Variants in DACH2 observed in about 807,000 individuals in gnomAD.
DACH2 encodes dachshund family transcription factor 2.
Under a neutral mutation model 35.8 loss-of-function variants are expected in DACH2, and 17 were observed. The observed-to-expected ratio is 0.48, with a 90% confidence interval of 0.33 to 0.71. DACH2 has a LOEUF of 0.71. DACH2 is among the 30% of genes least tolerant of loss of function. The pLI is 0.02. For missense variants in DACH2, 469 were observed against 472.7 expected, an observed-to-expected ratio of 0.99 and a Z score of 0.07; for synonymous variants, 195 against 177.3, an observed-to-expected ratio of 1.10 and a Z score of -0.79.
At chrX:86,723,881 CT>C (rs371714160) in intron 6 of DACH2, among the ~76,000 whole-genome samples, 4,638 of 105,354 alleles carry the variant, frequency 0.044, 232 homozygotes, top group African/African-American at 0.15. Context: ...CTTGAGTTGT[CT>C]TTTTTTTTTA....
intron 1 of DACH2, among the ~76,000 whole-genome samples, chrX:86,287,941 G>T (rs759844718): frequency 1.1e-4 from 12 of 111,793 alleles, no homozygotes; most frequent in African/African-American, 3.9e-4. Context: ...GGGTCTTGAT[G>T]CTTGTATATA....
chrX:86,623,799 C>CA (rs1419747602), intron 3 of DACH2, among the ~76,000 whole-genome samples: 1 of 97,945 alleles, frequency 1.0e-5, no homozygotes, highest in African/African-American at 3.6e-5. Context: ...CCTGTAATCC[C>CA]AGCACTTTGG....
chrX:86,733,386 A>T (rs1020052339), intron 6 of DACH2, among the ~76,000 whole-genome samples: 1 of 111,965 alleles, frequency 8.9e-6, no homozygotes, highest in Admixed American at 9.5e-5. Flanking sequence ...CACATGGTAA[A>T]TTTTAGTTCT....
intron 4 of DACH2, among the ~76,000 whole-genome samples, chrX:86,663,565 G>A (rs757211385): frequency 2.3e-4 from 26 of 111,419 alleles, no homozygotes; most frequent in African/African-American, 8.1e-4. Context: ...CAACAGGAGA[G>A]AAAAAAGAAC....
intron 1 of DACH2, among the ~76,000 whole-genome samples, chrX:86,302,979 A>G (rs908243950): frequency 4.6e-5 from 5 of 107,561 alleles, no homozygotes; most frequent in African/African-American, 1.4e-4. Flanking sequence ...CCCAAAATGT[A>G]TGAAGAGGTA....
chrX:86,785,548 CT>C (rs1467787934), intron 7 of DACH2, among the ~76,000 whole-genome samples: 3 of 111,557 alleles, frequency 2.7e-5, no homozygotes, highest in African/African-American at 9.8e-5. Flanking sequence ...AGAATAGGAT[CT>C]TTGGACAGAT....
intron 7 of DACH2, among the ~76,000 whole-genome samples, chrX:86,791,062 T>C (rs1212465383): frequency 1.8e-5 from 2 of 111,554 alleles, no homozygotes; most frequent in Non-Finnish European, 3.8e-5. Context: ...TGAAAGTATA[T>C]AATCATAAAG....
intron 3 of DACH2, among the ~76,000 whole-genome samples, chrX:86,642,879 A>G (rs1292196518): frequency 8.9e-6 from 1 of 111,988 alleles, no homozygotes; most frequent in Non-Finnish European, 1.9e-5. Context: ...TGAAATTAAG[A>G]CAGAAATCAA....
intron 1 of DACH2, among the ~76,000 whole-genome samples, chrX:86,358,531 C>G (rs754235302): frequency 2.8e-5 from 3 of 108,571 alleles, no homozygotes; most frequent in East Asian, 5.9e-4. Flanking sequence ...AATGCCCCTA[C>G]AAGCCCTGCT....
chrX:86,228,939 C>T (rs1451719362), intron 1 of DACH2, among the ~76,000 whole-genome samples: 1 of 111,529 alleles, frequency 9.0e-6, no homozygotes, highest in East Asian at 2.8e-4. Context: ...GTTGACTGTT[C>T]CTTTTGCTGT....
At chrX:86,539,749 G>T (rs924547306) in intron 3 of DACH2, among the ~76,000 whole-genome samples, 4 of 111,529 alleles carry the variant, frequency 3.6e-5, no homozygotes, top group Non-Finnish European at 7.5e-5. Context: ...GTATAATGAA[G>T]ATAATAAGTG....
intron 6 of DACH2, among the ~76,000 whole-genome samples, chrX:86,738,337 T>A (rs2041617977): frequency 8.9e-6 from 1 of 111,818 alleles, no homozygotes; most frequent in Non-Finnish European, 1.9e-5. Context: ...TGCTATTACT[T>A]TTGCATTAAA....
At chrX:86,611,738 G>T (rs1009124958) in intron 3 of DACH2, among the ~76,000 whole-genome samples, 1 of 110,877 alleles carries the variant, frequency 9.0e-6, no homozygotes, top group Admixed American at 9.6e-5. Flanking sequence ...TCTCCATGCT[G>T]TTTCTCTCCC....
intron 1 of DACH2, among the ~76,000 whole-genome samples, chrX:86,195,410 C>A (rs183597680): frequency 3.6e-5 from 4 of 111,539 alleles, no homozygotes; most frequent in African/African-American, 1.3e-4. Context: ...AGCACACAGA[C>A]CTATGCCCAC....
intron 3 of DACH2, among the ~76,000 whole-genome samples, chrX:86,593,641 G>A (rs986332695): frequency 1.8e-5 from 2 of 109,109 alleles, no homozygotes; most frequent in African/African-American, 6.7e-5. Context: ...TGACCAGGCT[G>A]ATCTCGAACT....
intron 2 of DACH2, among the ~76,000 whole-genome samples, chrX:86,499,652 T>C (rs980453246): frequency 8.9e-6 from 1 of 111,825 alleles, no homozygotes; most frequent in Non-Finnish European, 1.9e-5. Context: ...CGTGTTTTAG[T>C]ACATAGACGT....
intron 1 of DACH2, chrX:86,160,699 A>G (rs1440958252): frequency 2.1e-5 from 10 of 482,272 alleles, no homozygotes; most frequent in Non-Finnish European, 3.7e-5. Flanking sequence ...TGAAGCCCTC[A>G]TTGTTCCCAG....
chrX:86,643,464 AG>A (rs1174086409), intron 3 of DACH2, among the ~76,000 whole-genome samples: 1 of 108,012 alleles, frequency 9.3e-6, no homozygotes. Context: ...AAATTGAATC[AG>A]TAATAAGCCT....
chrX:86,619,393 A>G (rs1019019242), intron 3 of DACH2, among the ~76,000 whole-genome samples: 1 of 112,192 alleles, frequency 8.9e-6, no homozygotes, highest in Non-Finnish European at 1.9e-5. Context: ...GCCAGAAAAA[A>G]CAAATCAAGG....
Sources: allele counts gnomAD v4.1 joint callset (sites outside exome capture counted in the v4.1 genomes callset), GRCh38; gene constraint gnomAD v4.1.1; transcripts MANE v1.5; gene names NCBI Gene and HGNC (gene_info 2026-07-23, HGNC 2026-07-21).